MAP7D2: variants seen among roughly 807,000 people sequenced by gnomAD.
The protein encoded by MAP7D2 is MAP7 domain-containing protein 2.
MAP7D2 carries 33 observed loss-of-function variants against 63.5 expected under a neutral mutation model. The observed-to-expected ratio is 0.52, with a 90% CI of 0.39 to 0.70. MAP7D2 has a LOEUF of 0.70. MAP7D2 is among the 30% of genes least tolerant of loss of function. The pLI is 0.00. For missense variants in MAP7D2, 626 were observed against 604.0 expected, an observed-to-expected ratio of 1.04 and a Z score of -0.38; for synonymous variants, 224 against 223.7, an observed-to-expected ratio of 1.00 and a Z score of -0.01.
intron 3 of MAP7D2, among the ~76,000 whole-genome samples, chrX:20,057,487 AC>A (rs1486204354): frequency 8.9e-6 from 1 of 111,750 alleles, no homozygotes; most frequent in Non-Finnish European, 1.9e-5. Flanking sequence ...GAGAAAAACA[AC>A]CATTAGGCTT....
chrX:20,023,330 G>A (rs754122365), intron 10 of MAP7D2, among the ~76,000 whole-genome samples: 3 of 112,628 alleles, frequency 2.7e-5, no homozygotes, highest in East Asian at 2.8e-4. Context: ...CAGAACAGGC[G>A]GGAGCAGTGC....
intron 8 of MAP7D2, among the ~76,000 whole-genome samples, chrX:20,027,522 G>GT (rs1376006156): frequency 9.0e-6 from 1 of 111,264 alleles, no homozygotes; most frequent in Non-Finnish European, 1.9e-5. Context: ...ACTGTGGGAT[G>GT]TTTAGCAGCA....
intron 7 of MAP7D2, among the ~76,000 whole-genome samples, chrX:20,043,060 T>C (rs750747277): frequency 9.0e-6 from 1 of 111,231 alleles, no homozygotes; most frequent in Admixed American, 9.6e-5. Context: ...CTGTAGGTCT[T>C]CCCATTACCT....
At chrX:20,060,737 G>C (rs1475437518) in intron 3 of MAP7D2, among the ~76,000 whole-genome samples, 6 of 110,737 alleles carry the variant, frequency 5.4e-5, no homozygotes, top group Non-Finnish European at 1.1e-4. Context: ...ATGAGTTTAA[G>C]GTCAGGGTGT....
chrX:20,049,963 T>C, intron 6 of MAP7D2: 1 of 261,538 alleles, frequency 3.8e-6, no homozygotes, highest in South Asian at 3.9e-5. Context: ...ATGAACCTAT[T>C]AGCTATCTGT....
intron 1 of MAP7D2, among the ~76,000 whole-genome samples, chrX:20,086,534 G>A (rs751601771): frequency 3.1e-4 from 35 of 111,882 alleles, no homozygotes; most frequent in Admixed American, 9.5e-4. Flanking sequence ...AGGAAGCCAG[G>A]AGAACAGTGG....
At chrX:20,071,226 G>A (rs2065493154) in intron 1 of MAP7D2, among the ~76,000 whole-genome samples, 1 of 112,236 alleles carries the variant, frequency 8.9e-6, no homozygotes, top group African/African-American at 3.2e-5. Flanking sequence ...ATCTGTTTAA[G>A]CATGTGGAGA....
chrX:20,066,223 T>C (rs2065359859), intron 1 of MAP7D2, among the ~76,000 whole-genome samples: 1 of 112,401 alleles, frequency 8.9e-6, no homozygotes, highest in Non-Finnish European at 1.9e-5. Flanking sequence ...TTCATGTTAA[T>C]ATAACCAGGT....
chrX:20,061,291 T>C (rs1360557508), intron 3 of MAP7D2, among the ~76,000 whole-genome samples: 1 of 110,512 alleles, frequency 9.0e-6, no homozygotes, highest in Admixed American at 9.5e-5. Flanking sequence ...GGCTGATCCC[T>C]TCTCCCTAAA....
chrX:20,085,479 G>C (rs1184693531), intron 1 of MAP7D2, among the ~76,000 whole-genome samples: 1 of 111,931 alleles, frequency 8.9e-6, no homozygotes, highest in Non-Finnish European at 1.9e-5. Flanking sequence ...CCTTTTTATA[G>C]TAACAAGGAA....
intron 14 of MAP7D2, 43 bp from the exon 15 acceptor site, chrX:20,012,578 CTAAA>C (rs772904523): frequency 1.3e-4 from 134 of 1,027,581 alleles, no homozygotes; most frequent in Non-Finnish European, 1.6e-4. Flanking sequence ...CATAAAATGT[CTAAA>C]TAAAGTAACA....
rs1367007070 is a variant in MAP7D2 at position 20,069,975 on chromosome X, G to C, written c.131-5170C>G. On this transcript the variant is annotated intron_variant, in intron 1 of 16. Transcript: ENST00000379643. Reference sequence around the variant, plus strand: ...TTCTCTTTTTTCTTTTTGAGACGGAGTCTCGCTCTGTTGCCCAGGCTGGAG... The same window carrying C: ...TTCTCTTTTTTCTTTTTGAGACGGACTCTCGCTCTGTTGCCCAGGCTGGAG... Among the ~76,000 whole-genome samples, 2 of 111,122 alleles carry C rather than the reference G, an allele frequency of 1.8e-5. 1 individual carries two copies. The highest frequency in any genetic ancestry group is 3.8e-5 in the Non-Finnish European group (2 of 52,982).
chrX:20,076,685 G>C (rs1268049539), intron 1 of MAP7D2, among the ~76,000 whole-genome samples: 2 of 104,900 alleles, frequency 1.9e-5, no homozygotes, highest in African/African-American at 7.0e-5. Flanking sequence ...TGGGCAACAA[G>C]AGCAAAACTT....
intron 10 of MAP7D2, among the ~76,000 whole-genome samples, chrX:20,017,967 T>C (rs964950032): frequency 7.2e-4 from 39 of 54,093 alleles, no homozygotes; most frequent in African/African-American, 6.4e-3. Context: ...TCCATTCTCT[T>C]TTTTTTTTTT....
At chrX:20,055,482 T>C (rs1436841193) in intron 4 of MAP7D2, among the ~76,000 whole-genome samples, 4 of 111,629 alleles carry the variant, frequency 3.6e-5, no homozygotes, top group Non-Finnish European at 7.5e-5. Context: ...ACTGACAAGA[T>C]TTTCAAGGCA....
In MAP7D2 at chrX:20,056,780, C is replaced by T. The variant is rs1404050111; in HGVS notation, c.384G>A (p.Glu128=). ...GCTCCAGGGACCGGCGCATCATCGC[C>T]TCCAGCCGTTCCTACACAGTTCGTG... The part of the protein sequence containing the change: ...QKLREEEERL[E]AMMRRSLERT... The change falls in exon 4 of 17, where the codon GAG becomes GAA. Residue 128 remains glutamate, a synonymous_variant. Transcript: ENST00000379643. The T allele has an allele frequency of 3.3e-6, 4 of 1,209,402 alleles. No homozygotes were observed. Among genetic ancestry groups the T allele is most frequent in the Non-Finnish European group, 4.5e-6 (4 of 894,862 alleles).
At chrX:20,099,461 CCTGT>C (rs758662991) in intron 1 of MAP7D2, among the ~76,000 whole-genome samples, 1 of 111,787 alleles carries the variant, frequency 8.9e-6, no homozygotes, top group Admixed American at 9.5e-5. Flanking sequence ...AAGCCATCAT[CCTGT>C]CTGCCTTTTA....
intron 3 of MAP7D2, among the ~76,000 whole-genome samples, chrX:20,058,024 C>T (rs2065108251): frequency 8.9e-6 from 1 of 112,779 alleles, no homozygotes; most frequent in Non-Finnish European, 1.9e-5. Flanking sequence ...TGCTAAGAGA[C>T]TGCCTCTCCA....
chrX:20,116,640 C>A (rs1306384956), intron 1 of MAP7D2, 110 bp downstream of exon 1: 11 of 1,028,789 alleles, frequency 1.1e-5, no homozygotes, highest in Non-Finnish European at 1.4e-5. Context: ...CTCAGCTCTG[C>A]GCCGTGCCCC....
Sources: allele counts gnomAD v4.1 joint callset (sites outside exome capture counted in the v4.1 genomes callset), GRCh38; gene constraint gnomAD v4.1.1; transcripts MANE v1.5; gene names NCBI Gene and HGNC (gene_info 2026-07-23, HGNC 2026-07-21).